Variants in MME observed in about 807,000 individuals in gnomAD.
MME encodes the protein neprilysin.
In MME, 98 loss-of-function variants were observed where a neutral mutation model predicts 113.2. That is an observed-to-expected ratio of 0.87 (90% CI 0.74 to 1.02). The LOEUF (loss-of-function observed/expected upper bound fraction) is 1.02, where lower values mean the gene tolerates loss of function less well. MME is among the 50% of genes least tolerant of loss of function. The probability of loss-of-function intolerance (pLI) is 0.00; values close to 1 mark genes in which losing one functional copy is unlikely to be tolerated. For synonymous variants in MME, 292 were observed against 300.6 expected, an observed-to-expected ratio of 0.97 and a Z score of 0.30; for missense variants, 836 against 896.0, an observed-to-expected ratio of 0.93 and a Z score of 0.86.
intron 3 of MME, among the ~76,000 whole-genome samples, chr3:155,100,988 G>A (rs1411387161): frequency 6.6e-6 from 1 of 152,210 alleles, no homozygotes; most frequent in Non-Finnish European, 1.5e-5. Flanking sequence ...GAGGTATTTG[G>A]ATCATGGGGG....
intron 1 of MME, among the ~76,000 whole-genome samples, chr3:155,035,557 C>G (rs1309110284): frequency 6.6e-6 from 1 of 151,928 alleles, no homozygotes; most frequent in Non-Finnish European, 1.5e-5. Flanking sequence ...ATGAAATGGT[C>G]AGGGAAGGCT....
intron 3 of MME, among the ~76,000 whole-genome samples, chr3:155,099,219 A>G (rs776099348): frequency 2.0e-5 from 3 of 152,200 alleles, no homozygotes; most frequent in Non-Finnish European, 4.4e-5. Context: ...GAGGTGCTGG[A>G]GGGCCACCTG....
chr3:155,024,625 T>C (rs1236737998), intron 1 of MME, among the ~76,000 whole-genome samples: 2 of 152,226 alleles, frequency 1.3e-5, no homozygotes, highest in African/African-American at 2.4e-5. Flanking sequence ...CCACTTTTTC[T>C]GCTATATTAT....
At chr3:155,063,486 TATATATATATTTAA>T (rs1280971865) in intron 1 of MME, among the ~76,000 whole-genome samples, 1,239 of 55,556 alleles carry the variant, frequency 0.022, 14 homozygotes, top group South Asian at 0.039. Context: ...TATTATTTTA[TATATATATATTTAA>T]ATATATATAT....
At chr3:155,089,948 A>T in intron 3 of MME, 1 of 375,396 alleles carries the variant, frequency 2.7e-6, no homozygotes, top group African/African-American at 2.1e-5. Context: ...AGACAGCGCA[A>T]GACTCTATCT....
At chr3:155,096,230 A>G (rs1215891068) in intron 3 of MME, among the ~76,000 whole-genome samples, 1 of 152,202 alleles carries the variant, frequency 6.6e-6, no homozygotes, top group East Asian at 1.9e-4. Context: ...GCCGCAGGGG[A>G]CATCTAAGGG....
chr3:155,114,008 A>G (rs1039057724), intron 3 of MME, among the ~76,000 whole-genome samples: 6 of 152,220 alleles, frequency 3.9e-5, no homozygotes, highest in African/African-American at 1.4e-4. Context: ...ACCAAGTTTA[A>G]AAAATCCACA....
intron 1 of MME, among the ~76,000 whole-genome samples, chr3:155,040,396 C>A (rs1441154965): frequency 2.0e-5 from 3 of 152,112 alleles, no homozygotes; most frequent in African/African-American, 7.2e-5. Context: ...GATGCCTGAA[C>A]AGACACTTGC....
chr3:155,094,162 A>C (rs1480407319), intron 3 of MME, among the ~76,000 whole-genome samples: 2 of 152,230 alleles, frequency 1.3e-5, no homozygotes, highest in Non-Finnish European at 2.9e-5. Context: ...AAGTGTTATG[A>C]GTAACGGAGG....
intron 8 of MME, among the ~76,000 whole-genome samples, chr3:155,134,844 TG>T (rs1249327971): frequency 2.0e-5 from 3 of 152,158 alleles, no homozygotes; most frequent in Admixed American, 1.3e-4. Flanking sequence ...TGGTGTGAGA[TG>T]GTATTTCATC....
chr3:155,042,597 G>C (rs1489276129), intron 1 of MME, among the ~76,000 whole-genome samples: 2 of 151,988 alleles, frequency 1.3e-5, no homozygotes, highest in South Asian at 4.1e-4. Flanking sequence ...TACCTTTCAA[G>C]GAGGTTGTGT....
chr3:155,075,406 G>A (rs920711599), upstream of MME, among the ~76,000 whole-genome samples: 3 of 151,890 alleles, frequency 2.0e-5, no homozygotes, highest in African/African-American at 7.3e-5. Context: ...GGAGAATTTG[G>A]TCCAATTATA....
At chr3:155,038,588 G>A (rs1713205395) in intron 1 of MME, among the ~76,000 whole-genome samples, 1 of 152,146 alleles carries the variant, frequency 6.6e-6, no homozygotes, top group South Asian at 2.1e-4. Flanking sequence ...CTCATGATGT[G>A]GTTAATGTAC....
At position 155,125,272 on chromosome 3, in the gene MME, C is replaced by T. The variant is rs565870829; in HGVS notation, c.720+6461C>T. 2.8e-3 allele frequency among the ~76,000 whole-genome samples: 368 copies of T among 131,204 alleles called. 4 individuals are homozygous for T. Among genetic ancestry groups the T allele is most frequent in the African/African-American group, 9.2e-3 (360 of 39,172 alleles). The allele number at this position is 131,204 out of a possible 152,430, so 86.1% of individuals were successfully genotyped here. On this transcript the variant is annotated intron_variant, in intron 8 of 22. Coordinates refer to ENST00000360490, the MANE Select transcript of MME (RefSeq NM_007289.4). ...GGTGAGGCAATGCCTCGCCCTGCTT[C>T]GGCTCACGCACGGTGCGTGCACCCA...
At chr3:155,057,832 A>G (rs1713990971) in intron 1 of MME, among the ~76,000 whole-genome samples, 1 of 151,966 alleles carries the variant, frequency 6.6e-6, no homozygotes, top group African/African-American at 2.4e-5. Flanking sequence ...GGAGGAGGAA[A>G]TCTTCACTAT....
At chr3:155,092,049 C>G (rs1013790679) in intron 3 of MME, among the ~76,000 whole-genome samples, 1 of 152,104 alleles carries the variant, frequency 6.6e-6, no homozygotes, top group African/African-American at 2.4e-5. Context: ...GGTGGATGTC[C>G]CAGTTCCAGA....
chr3:155,046,506 G>A (rs937201263), intron 1 of MME, among the ~76,000 whole-genome samples: 3 of 152,136 alleles, frequency 2.0e-5, no homozygotes, highest in African/African-American at 7.2e-5. Flanking sequence ...TGGCCAACAT[G>A]GTGAAACCCC....
intron 22 of MME, among the ~76,000 whole-genome samples, chr3:155,175,456 T>G (rs893979207): frequency 5.3e-5 from 8 of 151,950 alleles, no homozygotes; most frequent in African/African-American, 1.9e-4. Flanking sequence ...GACTTCATTT[T>G]GGAAATCCAG....
intron 16 of MME, among the ~76,000 whole-genome samples, chr3:155,151,609 A>T (rs939661419): frequency 5.3e-5 from 8 of 152,148 alleles, no homozygotes; most frequent in South Asian, 2.1e-4. Flanking sequence ...AAAACACAGC[A>T]TTTGTCATTT....
Sources: allele counts gnomAD v4.1 joint callset (sites outside exome capture counted in the v4.1 genomes callset), GRCh38; gene constraint gnomAD v4.1.1; transcripts MANE v1.5; gene names NCBI Gene and HGNC (gene_info 2026-07-23, HGNC 2026-07-21).